The following AGBL4 variants were observed in gnomAD, a reference collection of about 807,000 sequenced individuals.
AGBL4 encodes the protein AGBL carboxypeptidase 4.
In AGBL4, 58 loss-of-function variants were observed where a neutral mutation model predicts 66.4. The observed-to-expected ratio is 0.87, with a 90% CI of 0.71 to 1.09. The LOEUF (loss-of-function observed/expected upper bound fraction) is 1.09. Among genes scored for constraint, AGBL4 ranks in the 50% least tolerant of loss-of-function variants. The pLI, the probability that AGBL4 is intolerant of heterozygous loss-of-function variation, is 0.00. For missense variants in AGBL4, 579 were observed against 631.0 expected (o/e 0.92, Z 0.88); for synonymous variants, 234 against 222.9 (o/e 1.05, Z -0.44).
At chr1:48,526,800 T>C in the AGBL4 span, among the ~76,000 whole-genome samples, 1 of 151,778 alleles carries the variant, frequency 6.6e-6, no homozygotes, top group Non-Finnish European at 1.5e-5. Flanking sequence ...ATTGTTATGA[T>C]GTTTATTGTT....
At chr1:49,614,625 T>C (rs1362942656) in intron 3 of AGBL4, among the ~76,000 whole-genome samples, 1 of 152,146 alleles carries the variant, frequency 6.6e-6, no homozygotes, top group Non-Finnish European at 1.5e-5. Flanking sequence ...TTTTATAGTA[T>C]TTTTCCAAAA....
chr1:49,945,258 T>C (rs150592483), intron 1 of AGBL4, among the ~76,000 whole-genome samples: 137 of 152,234 alleles, frequency 9.0e-4, no homozygotes, highest in Middle Eastern at 3.4e-3. Flanking sequence ...CCTAGGCACA[T>C]TGTCATCAGG....
chr1:48,915,728 G>A (rs1653530434), intron 5 of AGBL4, among the ~76,000 whole-genome samples: 1 of 152,028 alleles, frequency 6.6e-6, no homozygotes, highest in Non-Finnish European at 1.5e-5. Context: ...TGATTCTGAC[G>A]CATACTCAAG....
chr1:48,596,165 G>T (rs1644991584), intron 9 of AGBL4, among the ~76,000 whole-genome samples: 1 of 152,156 alleles, frequency 6.6e-6, no homozygotes. Flanking sequence ...GTACCCTGCT[G>T]TCCTCACAGG....
chr1:49,853,890 A>C (rs757737213), intron 1 of AGBL4, among the ~76,000 whole-genome samples: 1 of 152,066 alleles, frequency 6.6e-6, no homozygotes, highest in Non-Finnish European at 1.5e-5. Context: ...AAAAGCTGAG[A>C]TAATTTATTA....
chr1:49,913,597 G>A (rs2148216729), intron 1 of AGBL4, among the ~76,000 whole-genome samples: 1 of 152,352 alleles, frequency 6.6e-6, no homozygotes, highest in Non-Finnish European at 1.5e-5. Context: ...CTGTGATCTT[G>A]AGGATGGCCC....
At chr1:49,704,568 C>A (rs1234627981) in intron 2 of AGBL4, among the ~76,000 whole-genome samples, 2 of 152,028 alleles carry the variant, frequency 1.3e-5, no homozygotes, top group East Asian at 1.9e-4. Context: ...CTAGGTCTTA[C>A]CTTTAAATTT....
At chr1:48,662,683 C>T (rs557974659) in intron 7 of AGBL4, among the ~76,000 whole-genome samples, 71 of 152,324 alleles carry the variant, frequency 4.7e-4, no homozygotes, top group Admixed American at 5.9e-4. Flanking sequence ...TGTGCTTACT[C>T]TTGGCAGGTA....
At chr1:49,396,905 G>A (rs1361660135) in intron 3 of AGBL4, among the ~76,000 whole-genome samples, 1 of 152,142 alleles carries the variant, frequency 6.6e-6, no homozygotes, top group African/African-American at 2.4e-5. Flanking sequence ...AACCTTTTTG[G>A]CATAAGGACC....
intron 2 of AGBL4, among the ~76,000 whole-genome samples, chr1:49,807,644 T>G (rs1417625371): frequency 6.6e-6 from 1 of 152,174 alleles, no homozygotes; most frequent in Non-Finnish European, 1.5e-5. Context: ...TAAACACTTT[T>G]GGGGTTACTG....
chr1:49,565,051 C>T (rs538665197), intron 3 of AGBL4, among the ~76,000 whole-genome samples: 1 of 152,286 alleles, frequency 6.6e-6, no homozygotes, highest in South Asian at 2.1e-4. Flanking sequence ...GATCCCTTTA[C>T]CATTATGTAA....
chr1:49,515,458 A>G (rs1259720816), intron 3 of AGBL4, among the ~76,000 whole-genome samples: 1 of 152,162 alleles, frequency 6.6e-6, no homozygotes, highest in Admixed American at 6.5e-5. Flanking sequence ...AACTCATTCA[A>G]CAATTGTGGA....
intron 5 of AGBL4, among the ~76,000 whole-genome samples, chr1:48,986,404 T>C (rs1387863913): frequency 6.6e-6 from 1 of 151,836 alleles, no homozygotes; most frequent in East Asian, 1.9e-4. Flanking sequence ...AAGAGGAAAC[T>C]TGAATGTAGC....
downstream of AGBL4, among the ~76,000 whole-genome samples, chr1:48,532,153 T>C (rs972103475): frequency 6.6e-6 from 1 of 152,210 alleles, no homozygotes; most frequent in Non-Finnish European, 1.5e-5. Context: ...GATTTGCAGA[T>C]ACCTCACTTT....
intron 4 of AGBL4, among the ~76,000 whole-genome samples, chr1:49,243,470 C>T (rs548590394): frequency 1.6e-4 from 24 of 151,732 alleles, no homozygotes; most frequent in African/African-American, 5.8e-4. Context: ...AGGTAACTGA[C>T]TCAAAGCATA....
chr1:48,656,548 C>T (rs1178630694), intron 7 of AGBL4, among the ~76,000 whole-genome samples: 2 of 152,160 alleles, frequency 1.3e-5, no homozygotes, highest in Non-Finnish European at 2.9e-5. Context: ...GCTGTGGGGA[C>T]TCAGCAGGGG....
chr1:49,835,726 T>G (rs1334966726), intron 2 of AGBL4, among the ~76,000 whole-genome samples: 1 of 152,212 alleles, frequency 6.6e-6, no homozygotes, highest in Non-Finnish European at 1.5e-5. Context: ...TTCCTTTCCA[T>G]ATTTAGTGCT....
intron 3 of AGBL4, among the ~76,000 whole-genome samples, chr1:49,588,796 A>G (rs565880395): frequency 2.6e-5 from 4 of 152,332 alleles, no homozygotes; most frequent in African/African-American, 9.6e-5. Flanking sequence ...TAAATGAGTG[A>G]TATCATTAAG....
At chr1:48,575,114 G>A (rs1288202140) in intron 11 of AGBL4, among the ~76,000 whole-genome samples, 2 of 152,144 alleles carry the variant, frequency 1.3e-5, no homozygotes, top group Non-Finnish European at 2.9e-5. Context: ...CTCGGGCAGG[G>A]TAGTGATTTG....
Sources: allele counts gnomAD v4.1 joint callset (sites outside exome capture counted in the v4.1 genomes callset), GRCh38; gene constraint gnomAD v4.1.1; transcripts MANE v1.5; gene names NCBI Gene and HGNC (gene_info 2026-07-23, HGNC 2026-07-21).